Variants in ASB3 observed in about 807,000 individuals in gnomAD.
ASB3 encodes the protein ankyrin repeat and SOCS box containing 3, also known as ankyrin repeat and SOCS box protein 3.
Under a neutral mutation model 54.5 loss-of-function variants are expected in ASB3, and 41 were observed. The ratio of observed to expected loss-of-function variants is 0.75; its 90% CI spans 0.59 to 0.98. The LOEUF is 0.98. Among genes scored for constraint, ASB3 ranks in the 50% least tolerant of loss-of-function variants. ASB3 has a pLI of 0.00. For synonymous variants in ASB3, 266 were observed against 221.2 expected (o/e 1.20, Z -1.80); for missense variants, 733 against 620.0 (o/e 1.18, Z -1.94).
intron 2 of ASB3, among the ~76,000 whole-genome samples, chr2:53,763,782 T>C (rs1572991820): frequency 6.6e-6 from 1 of 152,346 alleles, no homozygotes; most frequent in South Asian, 2.1e-4. Context: ...CAAACTCATG[T>C]CTTTGTTACT....
At chr2:53,695,409 T>A (rs1261657940) in intron 8 of ASB3, among the ~76,000 whole-genome samples, 1 of 152,110 alleles carries the variant, frequency 6.6e-6, no homozygotes, top group Non-Finnish European at 1.5e-5. Flanking sequence ...AATGAAATGA[T>A]ACAATATATT....
At chr2:53,774,094 T>TTTTAA in intron 1 of ASB3, 1 of 1,519,362 alleles carries the variant, frequency 6.6e-7, no homozygotes. Context: ...TCTTCACCTA[T>TTTTAA]TTTAATTAGC....
At chr2:53,726,893 C>T (rs1671030200) in intron 5 of ASB3, among the ~76,000 whole-genome samples, 1 of 151,998 alleles carries the variant, frequency 6.6e-6, no homozygotes, top group Non-Finnish European at 1.5e-5. Context: ...AGGGTTTCAC[C>T]ATGTTGGCTG....
intron 1 of ASB3, among the ~76,000 whole-genome samples, chr2:53,771,606 T>C (rs1558573989): frequency 6.6e-6 from 1 of 152,352 alleles, no homozygotes; most frequent in South Asian, 2.1e-4. Flanking sequence ...CCATTTGCCT[T>C]TCATTTTAGA....
At chr2:53,716,968 G>A (rs1670431892) in intron 5 of ASB3, among the ~76,000 whole-genome samples, 1 of 152,140 alleles carries the variant, frequency 6.6e-6, no homozygotes, top group South Asian at 2.1e-4. Flanking sequence ...TGGAATCCCA[G>A]CAATTTAGGA....
At chr2:53,753,045 T>A (rs78457219) in intron 2 of ASB3, among the ~76,000 whole-genome samples, 13,607 of 146,848 alleles carry the variant, frequency 0.093, 680 homozygotes, top group Non-Finnish European at 0.12. Context: ...GTACGCAATT[T>A]AAAAAAAAAA....
At chr2:53,727,096 T>C (rs539888864) in intron 5 of ASB3, among the ~76,000 whole-genome samples, 16 of 152,316 alleles carry the variant, frequency 1.1e-4, no homozygotes, top group African/African-American at 3.8e-4. Context: ...CAAGCCCTGA[T>C]TCTGCCAGGA....
At chr2:53,779,499 C>T (rs560835044) in intron 1 of ASB3, among the ~76,000 whole-genome samples, 1 of 152,012 alleles carries the variant, frequency 6.6e-6, no homozygotes, top group African/African-American at 2.4e-5. Flanking sequence ...TGCAGTGGCA[C>T]AATCACAACT....
chr2:53,769,734 G>C (rs1005971506), intron 1 of ASB3, among the ~76,000 whole-genome samples: 7 of 152,334 alleles, frequency 4.6e-5, no homozygotes, highest in Admixed American at 3.9e-4. Context: ...TAGAGTCCCA[G>C]CTACTCTGGA....
chr2:53,727,666 C>G (rs1671078900), intron 5 of ASB3, among the ~76,000 whole-genome samples: 1 of 152,038 alleles, frequency 6.6e-6, no homozygotes, highest in African/African-American at 2.4e-5. Flanking sequence ...AACAAACAAA[C>G]TTTGTATGAT....
At chr2:53,702,530 T>C (rs1457883085) in intron 7 of ASB3, among the ~76,000 whole-genome samples, 4 of 152,192 alleles carry the variant, frequency 2.6e-5, no homozygotes, top group African/African-American at 4.8e-5. Context: ...TTGAGAAAAC[T>C]CTTCAAGTAC....
intron 9 of ASB3, among the ~76,000 whole-genome samples, chr2:53,682,863 A>C (rs1668449285): frequency 6.6e-6 from 1 of 152,204 alleles, no homozygotes; most frequent in African/African-American, 2.4e-5. Flanking sequence ...CATCAGTTCT[A>C]ATAGGTTTTT....
chr2:53,766,277 A>G (rs1315539357), intron 1 of ASB3, among the ~76,000 whole-genome samples: 1 of 152,110 alleles, frequency 6.6e-6, no homozygotes, highest in African/African-American at 2.4e-5. Context: ...TGCCCACATC[A>G]TCACCTCCCT....
In ASB3 at chr2:53,786,892, C is replaced by A; in HGVS notation, c.-85G>T. On this transcript the variant is annotated 5_prime_UTR_variant, in exon 1 of 10. Transcript: ENST00000263634. ...GTCTCCAGAGCTGCGTCCCAGAAGC[C>A]CCCGCTTTCGATCCCCACCGCGATG... 1 of 323,782 alleles carries A rather than the reference C, an allele frequency of 3.1e-6. No homozygotes were observed. The highest frequency in any genetic ancestry group is 7.4e-5 in the South Asian group (1 of 13,532). 20.1% of individuals were successfully genotyped at this position (323,782 alleles called of 1,614,324 possible).
chr2:53,731,065 A>G (rs1671279607), intron 3 of ASB3, among the ~76,000 whole-genome samples: 1 of 152,218 alleles, frequency 6.6e-6, no homozygotes, highest in African/African-American at 2.4e-5. Flanking sequence ...TTGAATTTAT[A>G]CCAAAGCTTA....
Position 53,771,919 on chromosome 2 carries a change from G to C in ASB3, c.-13-6334C>G, listed in dbSNP as rs199920944. The C allele has an allele frequency of 9.4e-5, 147 of 1,566,180 alleles. 1 individual carries two copies. In the Admixed American group the frequency reaches 2.7e-3, roughly 28 times the overall value. ...CTTTTTAAAACAGCCTGGAAGAGTTGTGACTCTTGTTGAAGATCCTGCGGT... is the reference window on the plus strand; with the variant it reads ...CTTTTTAAAACAGCCTGGAAGAGTTCTGACTCTTGTTGAAGATCCTGCGGT... On this transcript the variant is annotated intron_variant, in intron 1 of 9. Coordinates refer to ENST00000263634, the MANE Select transcript of ASB3 (RefSeq NM_016115.5).
At chr2:53,680,612 G>T (rs183747154) in intron 9 of ASB3, among the ~76,000 whole-genome samples, 217 of 152,170 alleles carry the variant, frequency 1.4e-3, no homozygotes, top group African/African-American at 4.5e-3. Flanking sequence ...CATAGTAGGT[G>T]TATATATTTA....
intron 2 of ASB3, chr2:53,763,424 T>C: frequency 5.9e-6 from 1 of 169,402 alleles, no homozygotes. Flanking sequence ...TTCAACCAAC[T>C]GGGATGGAAG....
intron 9 of ASB3, among the ~76,000 whole-genome samples, chr2:53,686,385 C>T (rs1668632096): frequency 6.6e-6 from 1 of 152,164 alleles, no homozygotes; most frequent in South Asian, 2.1e-4. Context: ...CCCCCAACAC[C>T]CTCCTCAGAG....
Sources: allele counts gnomAD v4.1 joint callset (sites outside exome capture counted in the v4.1 genomes callset), GRCh38; gene constraint gnomAD v4.1.1; transcripts MANE v1.5; gene names NCBI Gene and HGNC (gene_info 2026-07-23, HGNC 2026-07-21).